MPHOSPH10: variants seen among roughly 807,000 people sequenced by gnomAD.
MPHOSPH10 encodes M-phase phosphoprotein 10, also known as U3 small nucleolar ribonucleoprotein MPP10.
A neutral mutation model predicts 77.3 loss-of-function variants in MPHOSPH10; 33 were observed. The ratio of observed to expected loss-of-function variants is 0.43; its 90% confidence interval spans 0.32 to 0.57. The LOEUF is 0.57. MPHOSPH10 is among the 20% of genes least tolerant of loss of function. MPHOSPH10 has a pLI of 0.07. For missense variants in MPHOSPH10, 708 were observed against 780.1 expected, an observed-to-expected ratio of 0.91 and a Z score of 1.10; for synonymous variants, 245 against 268.0, an observed-to-expected ratio of 0.91 and a Z score of 0.84.
intron 10 of MPHOSPH10, among the ~76,000 whole-genome samples, 172 bp from the exon 11 acceptor site, chr2:71,149,694 A>G (rs2103685057): frequency 6.6e-6 from 1 of 152,364 alleles, no homozygotes; most frequent in Non-Finnish European, 1.5e-5. Context: ...GATTATAAGA[A>G]CATTGTAGCA....
At chr2:71,138,751 A>C (rs1252831500) in intron 5 of MPHOSPH10, 120 bp downstream of exon 5, 1 of 1,350,150 alleles carries the variant, frequency 7.4e-7, no homozygotes, top group Non-Finnish European at 1.0e-6. Context: ...TTGTAAACAC[A>C]TGGCTTGGCA....
Position 71,149,468 on chromosome 2 carries a change from A to G in MPHOSPH10, c.1896+15A>G, listed in dbSNP as rs1673776872. 6.2e-7 allele frequency: 1 copy of G among 1,601,348 alleles called. No individual in the cohort carries two copies. The highest frequency in any genetic ancestry group is 8.5e-7 in the Non-Finnish European group (1 of 1,173,350). On this transcript the variant is annotated intron_variant, in intron 10 of 10. Coordinates refer to ENST00000244230, the MANE Select transcript of MPHOSPH10 (RefSeq NM_005791.3). Reference sequence around the variant, plus strand: ...CCTTCATAAAGGTAAGGACAAGGGAAAGAAAACTGCTCAAGGGGACCTTTG... The same window carrying G: ...CCTTCATAAAGGTAAGGACAAGGGAGAGAAAACTGCTCAAGGGGACCTTTG...
intron 4 of MPHOSPH10, 135 bp from the exon 5 acceptor site, chr2:71,138,355 A>G (rs531472465): frequency 6.9e-6 from 5 of 723,722 alleles, no homozygotes; most frequent in Admixed American, 6.2e-5. Flanking sequence ...CATCGACAGA[A>G]TAAAAAGATG....
At chr2:71,148,782 C>CT (rs1490547973) in intron 9 of MPHOSPH10, 1 of 185,812 alleles carries the variant, frequency 5.4e-6, no homozygotes, top group Non-Finnish European at 1.1e-5. Context: ...TTGATCCTCA[C>CT]TAGAGAGATG....
At chr2:71,138,078 C>T (rs1036678254) in intron 4 of MPHOSPH10, among the ~76,000 whole-genome samples, 7 of 152,160 alleles carry the variant, frequency 4.6e-5, no homozygotes, top group African/African-American at 1.7e-4. Context: ...CAGAGCGAGA[C>T]TCTGCTTCAA....
In MPHOSPH10 at chr2:71,144,414, A is replaced by C. The variant is rs767352942; in HGVS notation, c.1447-14A>C. The C allele has an allele frequency of 7.4e-5, 118 of 1,600,328 alleles. No individual in the cohort carries two copies. The highest frequency in any genetic ancestry group is 9.6e-5 in the Non-Finnish European group (112 of 1,168,016). On this transcript the variant is annotated splice_polypyrimidine_tract_variant and intron_variant, in intron 7 of 10. Coordinates refer to ENST00000244230, the MANE Select transcript of MPHOSPH10 (RefSeq NM_005791.3). The stretch of plus-strand genomic sequence containing the variant: ...AAGTCGCTTAGTTTGACATTGTTGA[A>C]CTTATTTCCTAAGCAAAAAACAGCA...
rs754848776 is a variant in MPHOSPH10 at position 71,139,880 on chromosome 2, T to C, written c.1308+18T>C. 6.9e-5 allele frequency: 105 copies of C among 1,530,640 alleles called. No individual in the cohort carries two copies. Among genetic ancestry groups the C allele is most frequent in the Non-Finnish European group, 4.7e-5 (53 of 1,118,290 alleles). 94.8% of individuals were successfully genotyped at this position (1,530,640 alleles called of 1,614,324 possible). A position where few individuals can be genotyped will look rare whatever the true frequency, so the allele number is the denominator to read the frequency against. On this transcript the variant is annotated intron_variant, in intron 6 of 10. Transcript: ENST00000244230. ...GAGATCAGGTCAGTAAGAATTAAAT[T>C]TAACTTAATCAAAATGTCACCAAGA... is the stretch of plus-strand genomic sequence containing the variant.
chr2:71,130,894 T>C, intron 1 of MPHOSPH10, 140 bp downstream of exon 1: 3 of 741,446 alleles, frequency 4.0e-6, no homozygotes, highest in South Asian at 1.9e-5. Context: ...GAGTTTATGC[T>C]TTCCTAGGCT....
rs1673419943 is a variant in MPHOSPH10 at position 71,133,172 on chromosome 2, A to G, written c.364A>G (p.Ile122Val). 6.2e-7 allele frequency: 1 copy of G among 1,614,166 alleles called. No individual in the cohort carries two copies. Among genetic ancestry groups the G allele is most frequent in the South Asian group, 1.1e-5 (1 of 91,080 alleles). Residue 122 changes from isoleucine (I) to valine (V), a missense_variant, in exon 2 of 11, where the codon ATA becomes GTA. Ile to Val is a conservative substitution (Grantham distance 29, BLOSUM62 3). Transcript: ENST00000244230. ...GGAACGTGAAGAGGATGGTTCAGAGATAGAGGCTGATGACAAGGAGGACCT... is the reference window on the plus strand; with the variant it reads ...GGAACGTGAAGAGGATGGTTCAGAGGTAGAGGCTGATGACAAGGAGGACCT... ...EQEREEDGSE[I>V]EADDKEDLED...
At chr2:71,136,595 A>G (rs1020002183) in intron 4 of MPHOSPH10, among the ~76,000 whole-genome samples, 1 of 152,132 alleles carries the variant, frequency 6.6e-6, no homozygotes, top group Non-Finnish European at 1.5e-5. Context: ...AAAATCTAAG[A>G]ATCTGAATTA....
At chr2:71,138,410 T>G in intron 4 of MPHOSPH10, 80 bp from the exon 5 acceptor site, 1 of 1,160,618 alleles carries the variant, frequency 8.6e-7, no homozygotes, top group Non-Finnish European at 1.2e-6. Flanking sequence ...CTTTCCCACT[T>G]TTTAAATTAT....
chr2:71,130,712 CG>C lies in MPHOSPH10; in HGVS notation c.49del (p.Glu17LysfsTer26). 1 of 1,610,940 alleles carries C rather than the reference CG, an allele frequency of 6.2e-7. No individual in the cohort carries two copies. The highest frequency in any genetic ancestry group is 8.5e-7 in the Non-Finnish European group (1 of 1,179,324). On this transcript the variant is annotated frameshift_variant, in exon 1 of 11. Coordinates refer to ENST00000244230, the MANE Select transcript of MPHOSPH10 (RefSeq NM_005791.3). LOFTEE classifies it high-confidence loss of function. ...WRRRTLERCLTEVGKATGRPE... is the reference protein window; with the variant it reads ...WRRRTLERCLXEVGKATGRPE... ...CGACGGACCCTGGAGCGGTGTCTGACGGAAGTCGGCAAAGCCACGGGTCGGC... is the reference window on the plus strand; with the variant it reads ...CGACGGACCCTGGAGCGGTGTCTGACGAAGTCGGCAAAGCCACGGGTCGGC...
chr2:71,148,114 G>A lies in MPHOSPH10; in HGVS notation c.1665+8G>A, dbSNP rs982535373. On this transcript the variant is annotated splice_region_variant and intron_variant, in intron 9 of 10. Coordinates refer to ENST00000244230, the MANE Select transcript of MPHOSPH10 (RefSeq NM_005791.3). ...GCCCCAGAGGAGATCAAGGTAAGAA[G>A]CCAATGTTGAAACCTTAAATGTCTG... 1 of 1,603,578 alleles carries A rather than the reference G, an allele frequency of 6.2e-7. No homozygotes were observed. Among genetic ancestry groups the A allele is most frequent in the Non-Finnish European group, 8.5e-7 (1 of 1,170,392 alleles).
chr2:71,134,354 A>G (rs1219182288), intron 3 of MPHOSPH10, among the ~76,000 whole-genome samples: 1 of 152,216 alleles, frequency 6.6e-6, no homozygotes, highest in Non-Finnish European at 1.5e-5. Flanking sequence ...TGTCAATAAA[A>G]TCCTGTTATT....
At chr2:71,140,490 C>T (rs1673591665) in intron 6 of MPHOSPH10, among the ~76,000 whole-genome samples, 1 of 152,194 alleles carries the variant, frequency 6.6e-6, no homozygotes, top group Non-Finnish European at 1.5e-5. Context: ...GGGCAAAACC[C>T]TGGTGATCCA....
chr2:71,133,348 G>A lies in MPHOSPH10; in HGVS notation c.540G>A (p.Leu180=). The part of the protein sequence containing the change: ...DSDLDFDISK[L]EQQSKVQNKG... ...ACCTTGACTTTGATATCAGCAAATTGGAACAGCAGAGCAAGGTGCAAAACA... is the reference window on the plus strand; with the variant it reads ...ACCTTGACTTTGATATCAGCAAATTAGAACAGCAGAGCAAGGTGCAAAACA... Residue 180 remains leucine (L), a synonymous_variant, in exon 2 of 11, where the codon TTG becomes TTA. Coordinates refer to ENST00000244230, the MANE Select transcript of MPHOSPH10 (RefSeq NM_005791.3). 1 of 1,614,076 alleles carries A rather than the reference G, an allele frequency of 6.2e-7. No homozygotes were observed. Among genetic ancestry groups the A allele is most frequent in the Non-Finnish European group, 8.5e-7 (1 of 1,180,002 alleles).
Position 71,149,405 on chromosome 2 carries a change from G to A in MPHOSPH10, c.1848G>A (p.Ser616=), listed in dbSNP as rs373198559. ...QAGKYSKTVA[S]EKLKQLTKTG... ...GGAAATACAGCAAAACAGTAGCTTC[G>A]GAGAAGTTAAAACAGCTGACCAAAA... The change falls in exon 10 of 11, where the codon TCG becomes TCA. Residue 616 remains serine, a synonymous_variant. Coordinates refer to ENST00000244230, the MANE Select transcript of MPHOSPH10 (RefSeq NM_005791.3). The A allele has an allele frequency of 1.3e-4, 206 of 1,613,892 alleles. No homozygotes were observed. Among genetic ancestry groups the A allele is most frequent in the Non-Finnish European group, 1.6e-4 (184 of 1,180,006 alleles).
chr2:71,130,702 C>T lies in MPHOSPH10; in HGVS notation c.37C>T (p.Arg13Trp), dbSNP rs766437979. ...PQVWRRRTLE[R>W]CLTEVGKATG... ...GGTCTGGCGTCGACGGACCCTGGAG[C>T]GGTGTCTGACGGAAGTCGGCAAAGC... Residue 13 changes from arginine to tryptophan, a missense_variant, in exon 1 of 11, where the codon CGG (arginine) becomes TGG (tryptophan). Physicochemically the swap from Arg to Trp is moderately radical, Grantham distance 101. Around this residue, in one of 3 missense-constraint regions of MPHOSPH10, gnomAD observed 433 missense variants for 432.6 expected, o/e 1.00. Transcript: ENST00000244230. The T allele has an allele frequency of 4.3e-6, 7 of 1,610,840 alleles. No homozygotes were observed. The highest frequency in any genetic ancestry group is 5.9e-6 in the Non-Finnish European group (7 of 1,179,264).
chr2:71,149,173 T>C (rs753006033), intron 9 of MPHOSPH10, 50 bp from the exon 10 acceptor site: 2 of 1,484,630 alleles, frequency 1.3e-6, no homozygotes, highest in Non-Finnish European at 1.8e-6. Context: ...TCCAGTTTCC[T>C]AGTTGTTAAA....
Sources: gnomAD v4.1 joint callset for allele counts (sites outside exome capture counted in the v4.1 genomes callset) on GRCh38, gnomAD v4.1.1 for gene constraint, gnomAD v4.1.1 regional missense constraint, MANE v1.5 for transcripts, NCBI Gene and HGNC (gene_info 2026-07-23, HGNC 2026-07-21) for gene names.